The following WDR70 variants were observed in gnomAD, a reference collection of about 807,000 sequenced individuals.
The protein encoded by WDR70 is WD repeat domain 70.
In WDR70, 53 loss-of-function variants were observed where a neutral mutation model predicts 88.6. That is an observed-to-expected ratio of 0.60 (90% CI 0.48 to 0.75). The LOEUF is 0.75. WDR70 is among the 30% of genes least tolerant of loss of function. The pLI is 0.00. For missense variants in WDR70, 610 were observed against 823.2 expected (o/e 0.74, Z 3.17); for synonymous variants, 280 against 270.0 (o/e 1.04, Z -0.36).
intron 10 of WDR70, among the ~76,000 whole-genome samples, chr5:37,670,269 G>A (rs1343504384): frequency 6.6e-6 from 1 of 152,208 alleles, no homozygotes; most frequent in Non-Finnish European, 1.5e-5. Flanking sequence ...ACGATGCTAA[G>A]AAAGTTTTGG....
chr5:37,551,636 G>A (rs1174735963), intron 9 of WDR70, among the ~76,000 whole-genome samples: 1 of 151,090 alleles, frequency 6.6e-6, no homozygotes, highest in Non-Finnish European at 1.5e-5. Context: ...GCTGAGGCAG[G>A]AGAATCGCTC....
At chr5:37,545,278 G>A (rs1035386004) in intron 9 of WDR70, among the ~76,000 whole-genome samples, 3 of 152,140 alleles carry the variant, frequency 2.0e-5, no homozygotes, top group African/African-American at 7.2e-5. Flanking sequence ...ATAGGGTAGT[G>A]TTGGTCCTAG....
chr5:37,424,690 T>C (rs1487805075), intron 5 of WDR70, among the ~76,000 whole-genome samples: 1 of 152,152 alleles, frequency 6.6e-6, no homozygotes, highest in African/African-American at 2.4e-5. Context: ...ATTACAGGCA[T>C]GAGTCACCAT....
intron 10 of WDR70, among the ~76,000 whole-genome samples, chr5:37,607,041 C>T (rs1045610694): frequency 4.6e-5 from 7 of 150,820 alleles, no homozygotes; most frequent in Non-Finnish European, 7.4e-5. Context: ...CGGGTTCAGG[C>T]AATTCTTATG....
chr5:37,427,117 C>T (rs1325729661), intron 5 of WDR70, among the ~76,000 whole-genome samples: 5 of 152,098 alleles, frequency 3.3e-5, no homozygotes, highest in Non-Finnish European at 5.9e-5. Flanking sequence ...TGGCTGGGCG[C>T]GGTGGCTCAC....
intron 5 of WDR70, among the ~76,000 whole-genome samples, chr5:37,433,436 C>T (rs1750374585): frequency 6.6e-6 from 1 of 152,250 alleles, no homozygotes; most frequent in Admixed American, 6.5e-5. Context: ...TGTATACAGC[C>T]TGATTTGGAA....
intron 4 of WDR70, among the ~76,000 whole-genome samples, chr5:37,393,712 A>G (rs1181740276): frequency 6.6e-6 from 1 of 151,660 alleles, no homozygotes; most frequent in East Asian, 1.9e-4. Flanking sequence ...ACAGGGTTTC[A>G]CTCGGTCACC....
At chr5:37,659,642 C>T (rs1745650299) in intron 10 of WDR70, among the ~76,000 whole-genome samples, 1 of 152,146 alleles carries the variant, frequency 6.6e-6, no homozygotes, top group Admixed American at 6.5e-5. Context: ...GTTCTGGAGA[C>T]TGGGAAGTTC....
chr5:37,609,655 G>A (rs1561921760), intron 10 of WDR70, among the ~76,000 whole-genome samples: 2 of 152,148 alleles, frequency 1.3e-5, no homozygotes, highest in Non-Finnish European at 2.9e-5. Flanking sequence ...GCCTTCTATT[G>A]CCCTTTTGGC....
chr5:37,694,162 CAGTTAG>C (rs1488668386), intron 10 of WDR70, among the ~76,000 whole-genome samples: 3 of 152,110 alleles, frequency 2.0e-5, no homozygotes, highest in Non-Finnish European at 4.4e-5. Context: ...CATCTCACAC[CAGTTAG>C]AATGGCGATC....
intron 17 of WDR70, among the ~76,000 whole-genome samples, chr5:37,730,001 G>A (rs961969985): frequency 1.3e-4 from 19 of 151,902 alleles, no homozygotes; most frequent in African/African-American, 3.6e-4. Context: ...TTACATCCCC[G>A]TATTTCCTAT....
chr5:37,485,430 C>A lies in WDR70; in HGVS notation c.840+5443C>A, dbSNP rs9687741. ...AGCTCTCATACAATAGTCAGGTATC[C>A]TTTTTGTGGTCTATTTAATGCCATG... On this transcript the variant is annotated intron_variant, in intron 8 of 17. Coordinates refer to ENST00000265107, the MANE Select transcript of WDR70 (RefSeq NM_018034.4). Among the ~76,000 whole-genome samples the A allele has an allele frequency of 4.3e-4, 65 of 151,972 alleles. No individual in the cohort carries two copies. In the East Asian group the frequency reaches 6.6e-3, roughly 15 times the overall value.
chr5:37,551,768 GTTTTTTTTT>G (rs1176757597), intron 9 of WDR70, among the ~76,000 whole-genome samples: 1 of 92,728 alleles, frequency 1.1e-5, no homozygotes, highest in African/African-American at 4.2e-5. Flanking sequence ...TCATTGTTTA[GTTTTTTTTT>G]TTTTTTTTTT....
intron 3 of WDR70, among the ~76,000 whole-genome samples, chr5:37,387,924 A>G (rs1180563626): frequency 6.6e-6 from 1 of 152,080 alleles, no homozygotes; most frequent in African/African-American, 2.4e-5. Flanking sequence ...TGACCCTTTT[A>G]ATAGCAAGTT....
intron 10 of WDR70, among the ~76,000 whole-genome samples, chr5:37,606,790 G>A (rs1376264814): frequency 6.6e-6 from 1 of 151,424 alleles, no homozygotes. Flanking sequence ...ATACAAATGT[G>A]TGTCAACTGG....
intron 8 of WDR70, among the ~76,000 whole-genome samples, chr5:37,498,443 T>C (rs1740296919): frequency 6.6e-6 from 1 of 152,208 alleles, no homozygotes; most frequent in Non-Finnish European, 1.5e-5. Context: ...TCTTTTGTAT[T>C]ATGCTTCTGC....
At chr5:37,389,261 T>A (rs1748731981) in intron 3 of WDR70, among the ~76,000 whole-genome samples, 1 of 147,154 alleles carries the variant, frequency 6.8e-6, no homozygotes, top group Non-Finnish European at 1.5e-5. Flanking sequence ...CCTGGCTAAT[T>A]TTTTGTATTT....
intron 17 of WDR70, among the ~76,000 whole-genome samples, chr5:37,728,481 G>A (rs1015684332): frequency 6.6e-6 from 1 of 151,680 alleles, no homozygotes; most frequent in African/African-American, 2.4e-5. Flanking sequence ...CATCATAACA[G>A]TTACCTTTCC....
At chr5:37,708,691 A>G (rs1194832786) in intron 13 of WDR70, among the ~76,000 whole-genome samples, 1 of 152,214 alleles carries the variant, frequency 6.6e-6, no homozygotes, top group East Asian at 1.9e-4. Flanking sequence ...TGTAAGGGAC[A>G]TACGGCCATT....
Sources: gnomAD v4.1 joint callset for allele counts (sites outside exome capture counted in the v4.1 genomes callset) on GRCh38, gnomAD v4.1.1 for gene constraint, MANE v1.5 for transcripts, NCBI Gene and HGNC (gene_info 2026-07-23, HGNC 2026-07-21) for gene names.